The following LHFPL3 variants were observed in gnomAD, a reference collection of about 807,000 sequenced individuals.
The protein encoded by LHFPL3 is LHFPL tetraspan subfamily member 3 protein.
LHFPL3 carries 5 observed loss-of-function variants against 19.3 expected under a neutral mutation model. That is an observed-to-expected ratio of 0.26 (90% CI 0.14 to 0.54). The LOEUF (loss-of-function observed/expected upper bound fraction) is 0.54, where lower values mean the gene tolerates loss of function less well. Among genes scored for constraint, LHFPL3 ranks in the 20% least tolerant of loss-of-function variants. The pLI is 0.94. For missense variants in LHFPL3, 249 were observed against 307.4 expected (o/e 0.81, Z 1.42); for synonymous variants, 133 against 126.2 (o/e 1.05, Z -0.36).
intron 1 of LHFPL3, among the ~76,000 whole-genome samples, chr7:104,595,298 T>G (rs762556428): frequency 6.6e-6 from 1 of 152,226 alleles, no homozygotes; most frequent in African/African-American, 2.4e-5. Flanking sequence ...CAATCAGGTC[T>G]CTCAGCTATA....
At chr7:104,589,040 A>C (rs572899086) in intron 1 of LHFPL3, among the ~76,000 whole-genome samples, 20 of 152,304 alleles carry the variant, frequency 1.3e-4, no homozygotes, top group Non-Finnish European at 1.5e-4. Flanking sequence ...CTAAGTATAC[A>C]ATCATGTCAT....
At chr7:104,338,102 T>C (rs1410235473) in intron 1 of LHFPL3, among the ~76,000 whole-genome samples, 1 of 135,610 alleles carries the variant, frequency 7.4e-6, no homozygotes, top group Non-Finnish European at 1.6e-5. Context: ...TCTTTTTTTT[T>C]TTTTTTTTTT....
intron 1 of LHFPL3, among the ~76,000 whole-genome samples, chr7:104,624,544 G>C (rs1791508944): frequency 6.6e-6 from 1 of 152,188 alleles, no homozygotes; most frequent in South Asian, 2.1e-4. Flanking sequence ...GAAGGACAAG[G>C]TCAGTGAGTG....
At chr7:104,842,677 A>G (rs1237387186) in intron 2 of LHFPL3, among the ~76,000 whole-genome samples, 1 of 152,216 alleles carries the variant, frequency 6.6e-6, no homozygotes, top group Admixed American at 6.5e-5. Flanking sequence ...AATGCCAGAT[A>G]ATGATTCCAA....
intron 2 of LHFPL3, among the ~76,000 whole-genome samples, chr7:104,851,420 G>A (rs1791412637): frequency 6.6e-6 from 1 of 152,122 alleles, no homozygotes; most frequent in Non-Finnish European, 1.5e-5. Context: ...TTCCTTCTTG[G>A]AGAGTTGGAG....
intron 1 of LHFPL3, among the ~76,000 whole-genome samples, chr7:104,345,563 C>T (rs1346803652): frequency 6.6e-6 from 1 of 152,016 alleles, no homozygotes; most frequent in Non-Finnish European, 1.5e-5. Context: ...TTATAAGCAT[C>T]ATATAAAATA....
intron 2 of LHFPL3, among the ~76,000 whole-genome samples, chr7:104,784,315 A>G (rs1018518388): frequency 5.3e-5 from 8 of 152,214 alleles, no homozygotes; most frequent in Non-Finnish European, 8.8e-5. Context: ...AACTGAATTC[A>G]AGTCCCAGAT....
At chr7:104,690,544 T>C (rs1387230860) in intron 1 of LHFPL3, among the ~76,000 whole-genome samples, 1 of 152,248 alleles carries the variant, frequency 6.6e-6, no homozygotes, top group Non-Finnish European at 1.5e-5. Flanking sequence ...CACTCTGGAC[T>C]TACTGATGAC....
At chr7:104,452,545 C>T (rs1792460925) in intron 1 of LHFPL3, among the ~76,000 whole-genome samples, 1 of 152,028 alleles carries the variant, frequency 6.6e-6, no homozygotes, top group African/African-American at 2.4e-5. Context: ...CACTTTATAC[C>T]TAATGATGAA....
At chr7:104,573,937 C>T (rs562697575) in intron 1 of LHFPL3, among the ~76,000 whole-genome samples, 2 of 152,092 alleles carry the variant, frequency 1.3e-5, no homozygotes, top group Non-Finnish European at 2.9e-5. Flanking sequence ...GGATGACATT[C>T]GTACACAAAA....
At chr7:104,447,230 G>T (rs1251349381) in intron 1 of LHFPL3, among the ~76,000 whole-genome samples, 1 of 152,148 alleles carries the variant, frequency 6.6e-6, no homozygotes, top group East Asian at 1.9e-4. Flanking sequence ...ACTTTGCTAT[G>T]TTGTTGGGGT....
intron 1 of LHFPL3, chr7:104,669,215 CT>C (rs1446342810): frequency 1.2e-6 from 2 of 1,613,874 alleles, no homozygotes; most frequent in African/African-American, 1.3e-5. Context: ...TCTAACCCTC[CT>C]GCTCGATCTC....
intron 1 of LHFPL3, among the ~76,000 whole-genome samples, chr7:104,581,085 T>C (rs1790451430): frequency 1.3e-5 from 2 of 152,038 alleles, no homozygotes. Context: ...TTATTTAGTT[T>C]TATAAGAAAC....
chr7:104,548,453 T>G (rs1794610151), intron 1 of LHFPL3, among the ~76,000 whole-genome samples: 1 of 152,226 alleles, frequency 6.6e-6, no homozygotes, highest in Non-Finnish European at 1.5e-5. Context: ...TTACAAAGTT[T>G]ATTTGCCATC....
At chr7:104,777,256 T>C (rs796830330) in intron 2 of LHFPL3, among the ~76,000 whole-genome samples, 9 of 152,350 alleles carry the variant, frequency 5.9e-5, no homozygotes, top group African/African-American at 2.2e-4. Context: ...GGGCAGTGTT[T>C]CCAGTATGGT....
chr7:104,587,235 C>T (rs1407919790), intron 1 of LHFPL3, among the ~76,000 whole-genome samples: 1 of 152,120 alleles, frequency 6.6e-6, no homozygotes, highest in Non-Finnish European at 1.5e-5. Flanking sequence ...GCATCATTTA[C>T]ATTAGGTGTA....
chr7:104,748,135 A>G (rs1794086016), intron 2 of LHFPL3, among the ~76,000 whole-genome samples: 1 of 151,316 alleles, frequency 6.6e-6, no homozygotes, highest in Non-Finnish European at 1.5e-5. Flanking sequence ...GTGCTTTGTT[A>G]AACAGATGCT....
At chr7:104,615,829 C>A (rs1791324678) in intron 1 of LHFPL3, among the ~76,000 whole-genome samples, 1 of 152,122 alleles carries the variant, frequency 6.6e-6, no homozygotes, top group African/African-American at 2.4e-5. Flanking sequence ...CAGCTTCATC[C>A]ATGTCCCTGC....
At chr7:104,421,662 A>C (rs1791735455) in intron 1 of LHFPL3, among the ~76,000 whole-genome samples, 1 of 152,246 alleles carries the variant, frequency 6.6e-6, no homozygotes, top group African/African-American at 2.4e-5. Context: ...AAAAGATAAG[A>C]TAGATCTCCG....
Sources: gnomAD v4.1 joint callset for allele counts (sites outside exome capture counted in the v4.1 genomes callset) on GRCh38, gnomAD v4.1.1 for gene constraint, MANE v1.5 for transcripts, NCBI Gene and HGNC (gene_info 2026-07-23, HGNC 2026-07-21) for gene names.